Variants in ASXL2 observed in about 807,000 individuals in gnomAD.
ASXL2 encodes putative Polycomb group protein ASXL2.
Under a neutral mutation model 122.0 loss-of-function variants are expected in ASXL2, and 23 were observed. The ratio of observed to expected loss-of-function variants is 0.19; its 90% CI spans 0.14 to 0.27. ASXL2 has a LOEUF of 0.27. ASXL2 is among the 10% of genes least tolerant of loss of function. ASXL2 has a pLI of 1.00. For synonymous variants in ASXL2, 650 were observed against 637.0 expected, an observed-to-expected ratio of 1.02 and a Z score of -0.31; for missense variants, 1,518 against 1,713.8, an observed-to-expected ratio of 0.89 and a Z score of 2.02.
intron 4 of ASXL2, among the ~76,000 whole-genome samples, chr2:25,802,538 C>T (rs775154501): frequency 2.6e-5 from 4 of 152,162 alleles, no homozygotes; most frequent in Non-Finnish European, 4.4e-5. Context: ...CCTAAGACCT[C>T]TGCAATTTCC....
chr2:25,826,550 A>G (rs2089379881), intron 3 of ASXL2, among the ~76,000 whole-genome samples: 1 of 152,162 alleles, frequency 6.6e-6, no homozygotes, highest in Non-Finnish European at 1.5e-5. Context: ...CCTTGCAATA[A>G]CAAGTTACTG....
chr2:25,799,239 A>G (rs1328447841), intron 5 of ASXL2, 146 bp downstream of exon 5: 12 of 1,055,540 alleles, frequency 1.1e-5, no homozygotes, highest in African/African-American at 1.6e-5. Context: ...CATCTCCATC[A>G]TTGCAGAAAA....
At chr2:25,776,487 G>T (rs913700542) in intron 5 of ASXL2, among the ~76,000 whole-genome samples, 29 of 152,158 alleles carry the variant, frequency 1.9e-4, no homozygotes, top group South Asian at 4.1e-4. Flanking sequence ...GATGTTTTAT[G>T]TATGTGCTTT....
At chr2:25,862,766 A>ATT (rs879348817) in intron 1 of ASXL2, among the ~76,000 whole-genome samples, 2 of 145,176 alleles carry the variant, frequency 1.4e-5, no homozygotes. Context: ...TGCCCTGCTA[A>ATT]TTTTTTTTTT....
At chr2:25,754,618 AGTT>A (rs1235050359) in intron 10 of ASXL2, among the ~76,000 whole-genome samples, 1 of 152,180 alleles carries the variant, frequency 6.6e-6, no homozygotes, top group Non-Finnish European at 1.5e-5. Context: ...CAGTGTTCCA[AGTT>A]GTTGTTCATA....
chr2:25,860,925 T>C (rs779861238), intron 1 of ASXL2, among the ~76,000 whole-genome samples: 7 of 151,220 alleles, frequency 4.6e-5, no homozygotes, highest in Non-Finnish European at 7.4e-5. Flanking sequence ...GGTGGGAGGA[T>C]TGCTTGAGCC....
chr2:25,770,296 C>T (rs1417875826), intron 6 of ASXL2, among the ~76,000 whole-genome samples: 3 of 152,176 alleles, frequency 2.0e-5, no homozygotes, highest in Admixed American at 1.3e-4. Context: ...GTAATCTCCA[C>T]GTCCTGGGTT....
At chr2:25,817,094 C>T (rs2089247947) in intron 3 of ASXL2, among the ~76,000 whole-genome samples, 1 of 152,132 alleles carries the variant, frequency 6.6e-6, no homozygotes, top group African/African-American at 2.4e-5. Context: ...TGCACTCCAG[C>T]CTGGTTGGCA....
At chr2:25,828,841 A>AAAC (rs2089412720) in intron 3 of ASXL2, among the ~76,000 whole-genome samples, 2 of 151,352 alleles carry the variant, frequency 1.3e-5, no homozygotes, top group Non-Finnish European at 3.0e-5. Context: ...AAAAAAAAAA[A>AAAC]AAAAAAACAA....
In ASXL2 at chr2:25,767,705, G is replaced by T. The variant is rs1450352490; in HGVS notation, c.653C>A (p.Ser218Tyr). The change falls in exon 8 of 13, where the codon TCT becomes TAT. Residue 218 changes from serine (S) to tyrosine (Y), a missense_variant. This residue lies in a region of ASXL2 where 198 missense variants were observed against 209.0 expected (regional missense o/e 0.95). Coordinates refer to ENST00000435504, the MANE Select transcript of ASXL2 (RefSeq NM_018263.6). ...TTGAGGGCTGCCTGTCTGTCCATCA[G>T]ATTGCTTTCCTTCCCATGTTGCTAG... ...AKPATWEGKQ[S>Y]DGQTGSPQNS... is the part of the protein sequence containing the mutation. The T allele has an allele frequency of 5.0e-6, 8 of 1,613,800 alleles. No individual in the cohort carries two copies.
intron 8 of ASXL2, among the ~76,000 whole-genome samples, chr2:25,761,627 C>CGCA (rs1258747034): frequency 1.4e-5 from 2 of 145,294 alleles, no homozygotes. Flanking sequence ...GAGCCGAGAT[C>CGCA]GCACCACTGC....
intron 1 of ASXL2, among the ~76,000 whole-genome samples, chr2:25,874,480 C>A (rs1392788194): frequency 1.3e-5 from 2 of 152,134 alleles, no homozygotes; most frequent in Admixed American, 6.6e-5. Context: ...CCAAGTGAGA[C>A]CCCGTCTCAC....
At position 25,734,994 on chromosome 2, in the gene ASXL2, T is replaced by C. The variant is rs2087711658; in HGVS notation, c.*7035A>G. ...CTAAGGCATCCTCTAGGTTTTACAA[T>C]TAAGAAGAAAATCAGGATTTTTAAA... On this transcript the variant is annotated 3_prime_UTR_variant, in exon 13 of 13. Coordinates refer to ENST00000435504, the MANE Select transcript of ASXL2 (RefSeq NM_018263.6). 1 of 152,202 alleles carries C rather than the reference T, an allele frequency of 6.6e-6. No individual in the cohort carries two copies. The highest frequency in any genetic ancestry group is 6.5e-5 in the Admixed American group (1 of 15,274). 9.4% of individuals were successfully genotyped at this position (152,202 alleles called of 1,614,324 possible). A position where few individuals can be genotyped will look rare whatever the true frequency, so the allele number is the denominator to read the frequency against.
chr2:25,850,841 A>G (rs1471042698), intron 1 of ASXL2, among the ~76,000 whole-genome samples: 3 of 152,164 alleles, frequency 2.0e-5, no homozygotes, highest in Non-Finnish European at 4.4e-5. Context: ...CCGAGGTACA[A>G]TTCATATTAA....
intron 3 of ASXL2, among the ~76,000 whole-genome samples, chr2:25,807,416 C>A (rs2089099180): frequency 6.6e-6 from 1 of 152,148 alleles, no homozygotes; most frequent in Non-Finnish European, 1.5e-5. Flanking sequence ...TTCATCCCCC[C>A]AAAACATTGG....
rs1434720770 is a variant in ASXL2, at chr2:25,741,382, CAGT to C, written c.*644_*646del. The C allele has an allele frequency of 2.2e-5, 5 of 223,980 alleles. No homozygotes were observed. The Admixed American group carries it at 2.9e-4, about 13-fold the overall frequency. 13.9% of individuals were successfully genotyped at this position (223,980 alleles called of 1,614,324 possible). The stretch of plus-strand genomic sequence containing the variant: ...CAGTACCAGTAACTAGTAACTAGTA[CAGT>C]AGAAGCCAAGAACCAAGTCAGGGCT... On this transcript the variant is annotated 3_prime_UTR_variant, in exon 13 of 13. Coordinates refer to ENST00000435504, the MANE Select transcript of ASXL2 (RefSeq NM_018263.6).
intron 1 of ASXL2, among the ~76,000 whole-genome samples, chr2:25,875,689 A>C (rs886464416): frequency 9.2e-5 from 14 of 152,132 alleles, no homozygotes; most frequent in Admixed American, 9.2e-4. Context: ...ACTCTCTAAA[A>C]CATGATAGCT....
At chr2:25,875,452 G>A (rs72803615) in intron 1 of ASXL2, among the ~76,000 whole-genome samples, 2,999 of 152,064 alleles carry the variant, frequency 0.02, 46 homozygotes, top group Non-Finnish European at 0.03. Context: ...ACTCCAGCCT[G>A]GAGAGCATAG....
chr2:25,844,557 C>T (rs1258409162), intron 2 of ASXL2, among the ~76,000 whole-genome samples: 2 of 146,272 alleles, frequency 1.4e-5, no homozygotes, highest in Non-Finnish European at 3.0e-5. Flanking sequence ...GCCTGGGTGA[C>T]AAAGTCAGAC....
Sources: gnomAD v4.1 joint callset for allele counts (sites outside exome capture counted in the v4.1 genomes callset) on GRCh38, gnomAD v4.1.1 for gene constraint, gnomAD v4.1.1 regional missense constraint, MANE v1.5 for transcripts, NCBI Gene and HGNC (gene_info 2026-07-23, HGNC 2026-07-21) for gene names.